Variants in NREP observed in about 807,000 individuals in gnomAD.
NREP encodes the protein neuronal regeneration related protein.
In NREP, 5 loss-of-function variants were observed where a neutral mutation model predicts 8.6. The observed-to-expected ratio is 0.58, with a 90% CI of 0.30 to 1.22. The LOEUF (loss-of-function observed/expected upper bound fraction) is 1.22, where lower values mean the gene tolerates loss of function less well. Among genes scored for constraint, NREP ranks in the 50% most tolerant of loss-of-function variants. The probability of loss-of-function intolerance (pLI) is 0.07; values close to 1 mark genes in which losing one functional copy is unlikely to be tolerated. For missense variants in NREP, 86 were observed against 82.5 expected, an observed-to-expected ratio of 1.04 and a Z score of -0.17; for synonymous variants, 27 against 28.0, an observed-to-expected ratio of 0.96 and a Z score of 0.11.
chr5:111,753,686 G>T (rs539231663), intron 2 of NREP, among the ~76,000 whole-genome samples: 1 of 152,182 alleles, frequency 6.6e-6, no homozygotes, highest in East Asian at 1.9e-4. Context: ...CCATGCTTAT[G>T]TATTTTCTAG....
chr5:111,838,979 A>G (rs1561687880), intron 2 of NREP, among the ~76,000 whole-genome samples: 1 of 152,058 alleles, frequency 6.6e-6, no homozygotes, highest in Non-Finnish European at 1.5e-5. Flanking sequence ...TAATGTTTCA[A>G]TGGGGGAAAA....
At chr5:111,859,115 A>C (rs556346082) in intron 2 of NREP, among the ~76,000 whole-genome samples, 67 of 152,272 alleles carry the variant, frequency 4.4e-4, no homozygotes, top group African/African-American at 1.6e-3. Context: ...AATTGTTGAG[A>C]CTGAAGAAGA....
chr5:111,834,954 G>A lies in NREP; in HGVS notation c.136-99447C>T, dbSNP rs535602156. Among the ~76,000 whole-genome samples, 6 of 152,298 alleles carry A rather than the reference G, an allele frequency of 3.9e-5. No homozygotes were observed. In the South Asian group the frequency reaches 6.2e-4, roughly 16 times the overall value. ...TGTCTACTTTTCTTTGCACATGTAA[G>A]CAAGATCTGTTTTAACCTTCTTTGA... On this transcript the variant is annotated intron_variant, in intron 2 of 3. Coordinates refer to the NREP transcript ENST00000395634.
At chr5:111,777,998 T>C (rs1751404748) in intron 2 of NREP, among the ~76,000 whole-genome samples, 1 of 152,100 alleles carries the variant, frequency 6.6e-6, no homozygotes, top group African/African-American at 2.4e-5. Flanking sequence ...CAGCAAAATA[T>C]CAAAACAACT....
At chr5:111,856,618 T>C (rs1277472123) in intron 2 of NREP, among the ~76,000 whole-genome samples, 1 of 152,136 alleles carries the variant, frequency 6.6e-6, no homozygotes, top group Non-Finnish European at 1.5e-5. Context: ...AAGGAATGCA[T>C]TCTATCCTTA....
At chr5:111,947,639 A>G (rs1042642251) in intron 2 of NREP, among the ~76,000 whole-genome samples, 51 of 152,042 alleles carry the variant, frequency 3.4e-4, no homozygotes, top group African/African-American at 1.2e-3. Context: ...AAGAGAAATC[A>G]TCCACGTGGT....
At chr5:111,876,922 T>A (rs566828653) in intron 2 of NREP, among the ~76,000 whole-genome samples, 1 of 152,344 alleles carries the variant, frequency 6.6e-6, no homozygotes, top group Non-Finnish European at 1.5e-5. Flanking sequence ...CAAATTTGGT[T>A]AAGTGATAGA....
At chr5:111,764,828 T>C (rs548482686) in intron 2 of NREP, among the ~76,000 whole-genome samples, 44 of 152,362 alleles carry the variant, frequency 2.9e-4, no homozygotes, top group African/African-American at 9.1e-4. Context: ...CTGGAATTCA[T>C]AGAAGTACAC....
chr5:111,862,006 T>G (rs2112482578), intron 2 of NREP, among the ~76,000 whole-genome samples: 1 of 152,314 alleles, frequency 6.6e-6, no homozygotes, highest in Non-Finnish European at 1.5e-5. Flanking sequence ...CTTATAAAAC[T>G]TATTTTTAAG....
At chr5:111,839,349 A>G (rs1378932436) in intron 2 of NREP, among the ~76,000 whole-genome samples, 1 of 152,110 alleles carries the variant, frequency 6.6e-6, no homozygotes, top group African/African-American at 2.4e-5. Context: ...GGTGATGTGG[A>G]TGGTTCAATA....
chr5:111,741,371 C>T (rs1195932170), intron 2 of NREP, among the ~76,000 whole-genome samples: 2 of 152,148 alleles, frequency 1.3e-5, no homozygotes, highest in African/African-American at 2.4e-5. Flanking sequence ...TGCGCATATA[C>T]ATACACTTCC....
At chr5:111,958,673 C>T (rs1024981850) in intron 2 of NREP, among the ~76,000 whole-genome samples, 6 of 148,068 alleles carry the variant, frequency 4.1e-5, no homozygotes, top group Admixed American at 4.0e-4. Context: ...ATTAGAAAAA[C>T]AAAACATGTT....
intron 2 of NREP, among the ~76,000 whole-genome samples, chr5:111,838,717 G>A (rs937164288): frequency 1.4e-5 from 2 of 145,962 alleles, no homozygotes; most frequent in African/African-American, 4.9e-5. Context: ...ATATATATAT[G>A]TGTGTGTGTT....
intron 2 of NREP, among the ~76,000 whole-genome samples, chr5:111,832,958 T>C (rs898215366): frequency 2.0e-5 from 3 of 152,164 alleles, no homozygotes; most frequent in Admixed American, 6.5e-5. Context: ...GGAGGCCACA[T>C]TGGAAGCAGT....
At chr5:111,935,149 T>G (rs1031171905) in intron 2 of NREP, among the ~76,000 whole-genome samples, 5 of 152,134 alleles carry the variant, frequency 3.3e-5, no homozygotes, top group African/African-American at 9.7e-5. Flanking sequence ...ACTGTCTCCT[T>G]TGATACATTG....
intron 2 of NREP, among the ~76,000 whole-genome samples, chr5:111,867,412 T>C (rs1025719347): frequency 3.4e-4 from 52 of 152,288 alleles, no homozygotes; most frequent in African/African-American, 1.1e-3. Context: ...TCCTTGCACG[T>C]GCTCACTTGC....
At chr5:111,785,039 G>A (rs1196964689) in intron 2 of NREP, among the ~76,000 whole-genome samples, 1 of 152,102 alleles carries the variant, frequency 6.6e-6, no homozygotes, top group African/African-American at 2.4e-5. Context: ...TCTTGCCTAG[G>A]GAGAACATTA....
In NREP at chr5:111,970,950, C is replaced by T. The variant is rs11955307; in HGVS notation, c.135+4324G>A. Among the ~76,000 whole-genome samples the T allele has an allele frequency of 2.7e-3, 408 of 151,608 alleles. 1 individual carries two copies. Among genetic ancestry groups the T allele is most frequent in the African/African-American group, 9.7e-3 (399 of 41,324 alleles). On this transcript the variant is annotated intron_variant, in intron 2 of 3. Transcript: ENST00000395634. The stretch of plus-strand genomic sequence containing the variant: ...AGCAGTTTCCAAATTTAGTGTGCAT[C>T]AGAATTACCTAGGGAGCTTGTTAAA...
At chr5:111,975,377 C>G (rs1207758418) in exon 2 of NREP, 13 of 1,550,948 alleles carry the variant, frequency 8.4e-6, no homozygotes, top group Non-Finnish European at 1.1e-5. Flanking sequence ...TTCTCTTCGG[C>G]TCTGCAGACA....
Sources: gnomAD v4.1 joint callset for allele counts (sites outside exome capture counted in the v4.1 genomes callset) on GRCh38, gnomAD v4.1.1 for gene constraint, MANE v1.5 for transcripts, NCBI Gene and HGNC (gene_info 2026-07-23, HGNC 2026-07-21) for gene names.